The following SPATA31D3 variants were observed in gnomAD, a reference collection of about 807,000 sequenced individuals.
The protein encoded by SPATA31D3 is SPATA31 subfamily D member 3.
For missense variants in SPATA31D3, 91 were observed against 297.9 expected, an observed-to-expected ratio of 0.31 and a Z score of 5.11; for synonymous variants, 27 against 107.8, an observed-to-expected ratio of 0.25 and a Z score of 4.65.
rs377006614 is a variant in SPATA31D3, at chr9:81,947,898, G to A, written c.2645G>A (p.Arg882His). 70 of 1,612,108 alleles carry A rather than the reference G, an allele frequency of 4.3e-5. 2 individuals carry two copies. The highest frequency in any genetic ancestry group is 3.0e-4 in the African/African-American group (22 of 74,486). The change falls in exon 4 of 4, where the codon CGC becomes CAC. Residue 882 changes from arginine (R) to histidine (H), a missense_variant. Physicochemically the swap from Arg to His is conservative, Grantham distance 29. Transcript: ENST00000445385. ...NLAALVSEDH[R>H]VDTSQEMSFL... ...GCAGCATTGGTGAGTGAGGACCACCGCGTTGATACCTCCCAGGAGATGTCC... is the reference window on the plus strand; with the variant it reads ...GCAGCATTGGTGAGTGAGGACCACCACGTTGATACCTCCCAGGAGATGTCC...
Position 81,948,139 on chromosome 9 carries a change from A to G in SPATA31D3, c.*132A>G, listed in dbSNP as rs1823934811. 1.4e-6 allele frequency: 2 copies of G among 1,413,734 alleles called. No individual in the cohort carries two copies. The highest frequency in any genetic ancestry group is 4.3e-5 in the Admixed American group (2 of 46,498). 87.6% of individuals were successfully genotyped at this position (1,413,734 alleles called of 1,614,324 possible). On this transcript the variant is annotated 3_prime_UTR_variant, in exon 4 of 4. Transcript: ENST00000445385. The stretch of plus-strand genomic sequence containing the variant: ...CAGCTTTATTTCTCAGGGAGATTCC[A>G]AAGATGGGGTCTCTAAGTCTTGTAG...
At position 81,949,707 on chromosome 9, in the gene SPATA31D3, C is replaced by A. The variant is rs983381760; in HGVS notation, c.*1700C>A. 1.1e-5 allele frequency: 15 copies of A among 1,406,182 alleles called. No homozygotes were observed. In the Admixed American group the frequency reaches 1.4e-4, roughly 13 times the overall value. 87.1% of individuals were successfully genotyped at this position (1,406,182 alleles called of 1,614,324 possible). A position where few individuals can be genotyped will look rare whatever the true frequency, so the allele number is the denominator to read the frequency against. The stretch of plus-strand genomic sequence containing the variant: ...CCTGCAACTACATGGCTCCCTCCTG[C>A]AAAGTGACATGTACCAAATCTTGCA... On this transcript the variant is annotated 3_prime_UTR_variant, in exon 4 of 4. Transcript: ENST00000445385.
In SPATA31D3 at chr9:81,949,812, A is replaced by C; in HGVS notation, c.*1805A>C. Reference sequence around the variant, plus strand: ...TAGACAAGGACAGATAGCCCCAGGAAGTTGGACATTTAAGGGGAAGATATT... The same window carrying C: ...TAGACAAGGACAGATAGCCCCAGGACGTTGGACATTTAAGGGGAAGATATT... On this transcript the variant is annotated 3_prime_UTR_variant, in exon 4 of 4. Transcript: ENST00000445385. 1 of 1,209,464 alleles carries C rather than the reference A, an allele frequency of 8.3e-7. No individual in the cohort carries two copies. The highest frequency in any genetic ancestry group is 1.2e-6 in the Non-Finnish European group (1 of 822,662). The allele number at this position is 1,209,464 out of a possible 1,614,324, so 74.9% of individuals were successfully genotyped here.
Position 81,947,910 on chromosome 9 carries a change from C to T in SPATA31D3, c.2657C>T (p.Ser886Phe). ...AGTGAGGACCACCGCGTTGATACCT[C>T]CCAGGAGATGTCCTTCCTTAGTTCC... ...LVSEDHRVDT[S>F]QEMSFLSSNK... The change falls in exon 4 of 4, where the codon TCC becomes TTC. Residue 886 changes from serine to phenylalanine, a missense_variant. Transcript: ENST00000445385. 1 of 1,611,744 alleles carries T rather than the reference C, an allele frequency of 6.2e-7. No individual in the cohort carries two copies. The highest frequency in any genetic ancestry group is 1.1e-5 in the South Asian group (1 of 90,752).
chr9:81,949,916 C>T lies in SPATA31D3; in HGVS notation c.*1909C>T. The T allele has an allele frequency of 1.6e-6, 1 of 615,184 alleles. No homozygotes were observed. The allele number at this position is 615,184 out of a possible 1,614,324, so 38.1% of individuals were successfully genotyped here. A position where few individuals can be genotyped will look rare whatever the true frequency, so the allele number is the denominator to read the frequency against. On this transcript the variant is annotated 3_prime_UTR_variant, in exon 4 of 4. Coordinates refer to ENST00000445385, the MANE Select transcript of SPATA31D3 (RefSeq NM_207416.3). The stretch of plus-strand genomic sequence containing the variant: ...ACCCCACTTGCAGTGTGAAGTCAAC[C>T]TGGTGCCTCCGGTCATCCTGACCAG...
Position 81,949,293 on chromosome 9 carries a change from G to C in SPATA31D3, c.*1286G>C, listed in dbSNP as rs538462798. 1.9e-5 allele frequency: 7 copies of C among 367,632 alleles called. No individual in the cohort carries two copies. The highest frequency in any genetic ancestry group is 6.2e-5 in the African/African-American group (3 of 48,222). 22.8% of individuals were successfully genotyped at this position (367,632 alleles called of 1,614,324 possible). A position where few individuals can be genotyped will look rare whatever the true frequency, so the allele number is the denominator to read the frequency against. On this transcript the variant is annotated 3_prime_UTR_variant, in exon 4 of 4. Transcript: ENST00000445385. The stretch of plus-strand genomic sequence containing the variant: ...ATGCTATTCATAACAAGACATCAAG[G>C]GAGTCGCTTGGGAGCAAATCTTCCC...
Position 81,949,637 on chromosome 9 carries a change from A to T in SPATA31D3, c.*1630A>T, listed in dbSNP as rs1443028758. On this transcript the variant is annotated 3_prime_UTR_variant, in exon 4 of 4. Coordinates refer to ENST00000445385, the MANE Select transcript of SPATA31D3 (RefSeq NM_207416.3). ...CCAGTGCAGCTTGGGAAATCTCAGA[A>T]TGTGCCAGAACTGCAGGTCAGAGCA... is the stretch of plus-strand genomic sequence containing the variant. The T allele has an allele frequency of 9.2e-6, 8 of 868,494 alleles. No homozygotes were observed. In the Admixed American group the frequency reaches 1.5e-4, roughly 16 times the overall value. The allele number at this position is 868,494 out of a possible 1,614,324, so 53.8% of individuals were successfully genotyped here.
Position 81,949,661 on chromosome 9 carries a change from C to A in SPATA31D3, c.*1654C>A, listed in dbSNP as rs1360427187. On this transcript the variant is annotated 3_prime_UTR_variant, in exon 4 of 4. Coordinates refer to ENST00000445385, the MANE Select transcript of SPATA31D3 (RefSeq NM_207416.3). ...AATGTGCCAGAACTGCAGGTCAGAG[C>A]AGAGCCTGTCCAGGGCTATCCCTGC... is the stretch of plus-strand genomic sequence containing the variant. The A allele has an allele frequency of 1.2e-5, 13 of 1,087,724 alleles. No homozygotes were observed. Among genetic ancestry groups the A allele is most frequent in the Non-Finnish European group, 1.8e-5 (13 of 711,086 alleles). The allele number at this position is 1,087,724 out of a possible 1,614,324, so 67.4% of individuals were successfully genotyped here.
At chr9:81,945,383 G>T (rs1587483896) in intron 3 of SPATA31D3, among the ~76,000 whole-genome samples, 151 bp downstream of exon 3, 1 of 63,904 alleles carries the variant, frequency 1.6e-5, no homozygotes, top group Non-Finnish European at 2.9e-5. Context: ...GTAGCCATAG[G>T]AACGGATATG....
Position 81,949,774 on chromosome 9 carries a change from A to G in SPATA31D3, c.*1767A>G. ...TGTCGGCCAGAATTATCCTGCAATG[A>G]TTAGACAGATCATAGACAAGGACAG... On this transcript the variant is annotated 3_prime_UTR_variant, in exon 4 of 4. Transcript: ENST00000445385. 1 of 1,340,814 alleles carries G rather than the reference A, an allele frequency of 7.5e-7. No individual in the cohort carries two copies. The highest frequency in any genetic ancestry group is 1.7e-5 in the Admixed American group (1 of 58,976). The allele number at this position is 1,340,814 out of a possible 1,614,324, so 83.1% of individuals were successfully genotyped here. A position where few individuals can be genotyped will look rare whatever the true frequency, so the allele number is the denominator to read the frequency against.
At position 81,949,755 on chromosome 9, in the gene SPATA31D3, C is replaced by G. The variant is rs550249817; in HGVS notation, c.*1748C>G. ...GCAGCCAACAAGCTATCTTTGTCGG[C>G]CAGAATTATCCTGCAATGATTAGAC... On this transcript the variant is annotated 3_prime_UTR_variant, in exon 4 of 4. Transcript: ENST00000445385. The G allele has an allele frequency of 2.2e-6, 3 of 1,389,764 alleles. No homozygotes were observed. Among genetic ancestry groups the G allele is most frequent in the South Asian group, 1.2e-5 (1 of 86,314 alleles). 86.1% of individuals were successfully genotyped at this position (1,389,764 alleles called of 1,614,324 possible).
chr9:81,949,913 A>C lies in SPATA31D3; in HGVS notation c.*1906A>C. 1 of 625,460 alleles carries C rather than the reference A, an allele frequency of 1.6e-6. No individual in the cohort carries two copies. Among genetic ancestry groups the C allele is most frequent in the East Asian group, 2.8e-5 (1 of 36,166 alleles). The allele number at this position is 625,460 out of a possible 1,614,324, so 38.7% of individuals were successfully genotyped here. On this transcript the variant is annotated 3_prime_UTR_variant, in exon 4 of 4. Coordinates refer to ENST00000445385, the MANE Select transcript of SPATA31D3 (RefSeq NM_207416.3). ...CAAACCCCACTTGCAGTGTGAAGTC[A>C]ACCTGGTGCCTCCGGTCATCCTGAC... is the stretch of plus-strand genomic sequence containing the variant.
Position 81,945,557 on chromosome 9 carries a change from C to G in SPATA31D3, c.304C>G (p.Pro102Ala). The change falls in exon 4 of 4, where the codon CCT (proline) becomes GCT (alanine). Residue 102 changes from proline (P) to alanine (A), a missense_variant. Physicochemically the swap from Pro to Ala is conservative, Grantham distance 27. Coordinates refer to ENST00000445385, the MANE Select transcript of SPATA31D3 (RefSeq NM_207416.3). ...TGATCCTGGCTGCAGCTTTGGACCT[C>G]CTGTTTCCTGCAGTCCCCTGGGCCA... ...LHSFLKSFGP[P>A]VSCSPLGQHH... 8.0e-6 allele frequency: 1 copy of G among 125,782 alleles called. No individual in the cohort carries two copies. Among genetic ancestry groups the G allele is most frequent in the African/African-American group, 1.9e-4 (1 of 5,320 alleles). The allele number at this position is 125,782 out of a possible 1,614,324, so 7.8% of individuals were successfully genotyped here.
rs756790269 is a variant in SPATA31D3 at position 81,947,890 on chromosome 9, G to C, written c.2637G>C (p.Glu879Asp). 6.2e-7 allele frequency: 1 copy of C among 1,612,034 alleles called. No individual in the cohort carries two copies. Among genetic ancestry groups the C allele is most frequent in the South Asian group, 1.1e-5 (1 of 90,848 alleles). The part of the protein sequence containing the change: ...KHRNLAALVS[E>D]DHRVDTSQEM... ...GAAATTTGGCAGCATTGGTGAGTGA[G>C]GACCACCGCGTTGATACCTCCCAGG... The change falls in exon 4 of 4, where the codon GAG becomes GAC. Residue 879 changes from glutamate (E) to aspartate (D), a missense_variant. Transcript: ENST00000445385.
chr9:81,949,856 A>G lies in SPATA31D3; in HGVS notation c.*1849A>G. On this transcript the variant is annotated 3_prime_UTR_variant, in exon 4 of 4. Coordinates refer to ENST00000445385, the MANE Select transcript of SPATA31D3 (RefSeq NM_207416.3). The stretch of plus-strand genomic sequence containing the variant: ...AGATATTGTGTCAAAGGCATCCCCA[A>G]TCCATGCCCCACAGGAAGCCTGTGC... 3 of 901,602 alleles carry G rather than the reference A, an allele frequency of 3.3e-6. No individual in the cohort carries two copies. The highest frequency in any genetic ancestry group is 1.5e-5 in the South Asian group (1 of 64,610). The allele number at this position is 901,602 out of a possible 1,614,324, so 55.9% of individuals were successfully genotyped here.
chr9:81,949,475 G>A lies in SPATA31D3; in HGVS notation c.*1468G>A, dbSNP rs546533057. 6 of 482,322 alleles carry A rather than the reference G, an allele frequency of 1.2e-5. No individual in the cohort carries two copies. Among genetic ancestry groups the A allele is most frequent in the Admixed American group, 9.8e-5 (3 of 30,586 alleles). 29.9% of individuals were successfully genotyped at this position (482,322 alleles called of 1,614,324 possible). A position where few individuals can be genotyped will look rare whatever the true frequency, so the allele number is the denominator to read the frequency against. ...TCATCATCTGTGCAGAATAGAGGTCGAGTTAAAAGTAGAGCTGTCTTTACT... is the reference window on the plus strand; with the variant it reads ...TCATCATCTGTGCAGAATAGAGGTCAAGTTAAAAGTAGAGCTGTCTTTACT... On this transcript the variant is annotated 3_prime_UTR_variant, in exon 4 of 4. Transcript: ENST00000445385.
Position 81,948,162 on chromosome 9 carries a change from T to C in SPATA31D3, c.*155T>C. The C allele has an allele frequency of 7.2e-7, 1 of 1,396,820 alleles. No individual in the cohort carries two copies. Among genetic ancestry groups the C allele is most frequent in the South Asian group, 1.3e-5 (1 of 78,142 alleles). 86.5% of individuals were successfully genotyped at this position (1,396,820 alleles called of 1,614,324 possible). Reference sequence around the variant, plus strand: ...CCAAAGATGGGGTCTCTAAGTCTTGTAGACGAAGCACTTTTCAAGGAGAAA... The same window carrying C: ...CCAAAGATGGGGTCTCTAAGTCTTGCAGACGAAGCACTTTTCAAGGAGAAA... On this transcript the variant is annotated 3_prime_UTR_variant, in exon 4 of 4. Coordinates refer to ENST00000445385, the MANE Select transcript of SPATA31D3 (RefSeq NM_207416.3).
chr9:81,949,437 G>T lies in SPATA31D3; in HGVS notation c.*1430G>T, dbSNP rs1217632603. 2.6e-6 allele frequency: 1 copy of T among 390,196 alleles called. No homozygotes were observed. The highest frequency in any genetic ancestry group is 5.0e-6 in the Non-Finnish European group (1 of 200,172). The allele number at this position is 390,196 out of a possible 1,614,324, so 24.2% of individuals were successfully genotyped here. A position where few individuals can be genotyped will look rare whatever the true frequency, so the allele number is the denominator to read the frequency against. Reference sequence around the variant, plus strand: ...GAAAACAAGAAAGTTCCTAGGAAAAGGGTAGCTCCTTGTCATCATCTGTGC... The same window carrying T: ...GAAAACAAGAAAGTTCCTAGGAAAATGGTAGCTCCTTGTCATCATCTGTGC... On this transcript the variant is annotated 3_prime_UTR_variant, in exon 4 of 4. Transcript: ENST00000445385.
Position 81,949,759 on chromosome 9 carries a change from A to G in SPATA31D3, c.*1752A>G. ...CCAACAAGCTATCTTTGTCGGCCAG[A>G]ATTATCCTGCAATGATTAGACAGAT... On this transcript the variant is annotated 3_prime_UTR_variant, in exon 4 of 4. Transcript: ENST00000445385. 7.2e-7 allele frequency: 1 copy of G among 1,385,900 alleles called. No homozygotes were observed. Among genetic ancestry groups the G allele is most frequent in the Non-Finnish European group, 1.0e-6 (1 of 976,860 alleles). 85.9% of individuals were successfully genotyped at this position (1,385,900 alleles called of 1,614,324 possible).
Sources: allele counts gnomAD v4.1 joint callset (sites outside exome capture counted in the v4.1 genomes callset), GRCh38; gene constraint gnomAD v4.1.1; transcripts MANE v1.5; gene names NCBI Gene and HGNC (gene_info 2026-07-23, HGNC 2026-07-21).